Variants in NME7 observed in about 807,000 individuals in gnomAD.
The protein encoded by NME7 is NME/NM23 family member 7.
NME7 carries 41 observed loss-of-function variants against 49.1 expected under a neutral mutation model. The ratio of observed to expected loss-of-function variants is 0.83; its 90% CI spans 0.65 to 1.08. NME7 has a LOEUF of 1.08. Ranked by LOEUF, NME7 falls within the 50% of genes least tolerant of loss-of-function variation. The pLI, the probability that NME7 is intolerant of heterozygous loss-of-function variation, is 0.00. For synonymous variants in NME7, 139 were observed against 150.6 expected (o/e 0.92, Z 0.56); for missense variants, 423 against 463.4 (o/e 0.91, Z 0.80).
In NME7 at chr1:169,265,441, A is replaced by C. The variant is rs1649289583; in HGVS notation, c.754+21862T>G. On this transcript the variant is annotated intron_variant, in intron 7 of 11. Coordinates refer to ENST00000367811, the MANE Select transcript of NME7 (RefSeq NM_013330.5). ...GAAGTTCTTTGAAATGAATGAGAAC[A>C]AAGACACAACAAATCAGTATTTCTG... Among the ~76,000 whole-genome samples, 3 of 134,020 alleles carry C rather than the reference A, an allele frequency of 2.2e-5. 1 individual carries two copies. Among genetic ancestry groups the C allele is most frequent in the Non-Finnish European group, 5.2e-5 (3 of 57,156 alleles). 87.9% of individuals were successfully genotyped at this position (134,020 alleles called of 152,430 possible). A position where few individuals can be genotyped will look rare whatever the true frequency, so the allele number is the denominator to read the frequency against.
chr1:169,180,615 T>C (rs1260948603), intron 10 of NME7, among the ~76,000 whole-genome samples: 1 of 152,178 alleles, frequency 6.6e-6, no homozygotes, highest in Admixed American at 6.5e-5. Context: ...TCTAATCTTC[T>C]CCTATAATTA....
At chr1:169,179,854 A>C (rs757648981) in intron 10 of NME7, among the ~76,000 whole-genome samples, 1 of 152,182 alleles carries the variant, frequency 6.6e-6, no homozygotes, top group African/African-American at 2.4e-5. Context: ...CAGGAAGAAT[A>C]GCTAGTGGAT....
At chr1:169,233,326 C>T (rs754659212) in intron 9 of NME7, among the ~76,000 whole-genome samples, 2 of 151,904 alleles carry the variant, frequency 1.3e-5, no homozygotes, top group Non-Finnish European at 2.9e-5. Flanking sequence ...ATTTTTTTCA[C>T]CCTCTTGAAT....
At chr1:169,300,758 T>C (rs997700224) in intron 5 of NME7, among the ~76,000 whole-genome samples, 5 of 151,964 alleles carry the variant, frequency 3.3e-5, no homozygotes, top group African/African-American at 1.2e-4. Context: ...TGGAACATAA[T>C]AGAGAACCCA....
chr1:169,204,806 T>A (rs563296850), intron 10 of NME7, among the ~76,000 whole-genome samples: 3 of 152,260 alleles, frequency 2.0e-5, no homozygotes, highest in Admixed American at 2.0e-4. Context: ...CAATAAATAA[T>A]TATTGACTCA....
chr1:169,198,805 T>C (rs558068125), intron 10 of NME7, among the ~76,000 whole-genome samples: 86 of 152,216 alleles, frequency 5.6e-4, no homozygotes, highest in Non-Finnish European at 9.3e-4. Flanking sequence ...ACCACTGAGC[T>C]ATATGTTTTT....
At chr1:169,231,945 T>C (rs530947843) in intron 9 of NME7, among the ~76,000 whole-genome samples, 1 of 151,274 alleles carries the variant, frequency 6.6e-6, no homozygotes, top group South Asian at 2.1e-4. Context: ...CAGTATCCAG[T>C]AAAAAAATTA....
chr1:169,156,811 C>T (rs899770298), intron 11 of NME7, among the ~76,000 whole-genome samples: 10 of 152,136 alleles, frequency 6.6e-5, no homozygotes, highest in African/African-American at 1.9e-4. Context: ...ATTCTTTTAT[C>T]TGAGAAAACA....
chr1:169,241,929 T>C (rs891593151), intron 7 of NME7, among the ~76,000 whole-genome samples: 1 of 151,610 alleles, frequency 6.6e-6, no homozygotes, highest in Non-Finnish European at 1.5e-5. Context: ...AATATAAAAA[T>C]ACTTTTTAAA....
At chr1:169,326,725 T>C (rs895264248) in intron 1 of NME7, among the ~76,000 whole-genome samples, 1 of 152,208 alleles carries the variant, frequency 6.6e-6, no homozygotes. Flanking sequence ...CAGTAAAAAC[T>C]GTGTTTACTT....
At chr1:169,315,853 G>A (rs1361390666) in intron 3 of NME7, among the ~76,000 whole-genome samples, 6 of 151,982 alleles carry the variant, frequency 3.9e-5, no homozygotes, top group Non-Finnish European at 8.8e-5. Context: ...GTTATAAGCA[G>A]TTAGAAGGAA....
chr1:169,336,208 A>G (rs1652465134), intron 1 of NME7, among the ~76,000 whole-genome samples: 1 of 152,136 alleles, frequency 6.6e-6, no homozygotes, highest in African/African-American at 2.4e-5. Flanking sequence ...CGCTGGGCTC[A>G]GGAGTGAAGC....
intron 7 of NME7, among the ~76,000 whole-genome samples, chr1:169,279,384 G>A (rs926228657): frequency 2.6e-5 from 4 of 152,200 alleles, no homozygotes; most frequent in Admixed American, 2.6e-4. Context: ...AAGCAAGCCT[G>A]GGCAATGGCA....
chr1:169,304,368 A>T (rs531647889), intron 4 of NME7, among the ~76,000 whole-genome samples: 1 of 152,356 alleles, frequency 6.6e-6, no homozygotes, highest in Non-Finnish European at 1.5e-5. Flanking sequence ...GCAAAGAATC[A>T]ACCTTTCAGG....
intron 6 of NME7, among the ~76,000 whole-genome samples, chr1:169,297,704 T>G (rs1571366487): frequency 1.3e-5 from 2 of 152,186 alleles, no homozygotes; most frequent in African/African-American, 4.8e-5. Flanking sequence ...CTGAAGGGTT[T>G]TCAGCAGGTG....
chr1:169,241,142 C>T (rs924026356), intron 7 of NME7, among the ~76,000 whole-genome samples: 5 of 152,064 alleles, frequency 3.3e-5, no homozygotes, highest in African/African-American at 1.2e-4. Flanking sequence ...GTGTACTTCA[C>T]ATTACTTCAC....
chr1:169,334,806 C>A (rs1318318637), intron 1 of NME7, among the ~76,000 whole-genome samples: 5 of 151,892 alleles, frequency 3.3e-5, no homozygotes, highest in African/African-American at 1.2e-4. Flanking sequence ...AAAATTTTTG[C>A]AATCTACCCA....
chr1:169,350,289 A>AAG (rs1343344770), intron 1 of NME7, among the ~76,000 whole-genome samples: 1 of 20,634 alleles, frequency 4.8e-5, no homozygotes, highest in African/African-American at 1.7e-4. Context: ...AAGGAAGGAA[A>AAG]GAGCCCTGCT....
At chr1:169,326,829 C>T (rs1386495542) in intron 1 of NME7, among the ~76,000 whole-genome samples, 1 of 152,142 alleles carries the variant, frequency 6.6e-6, no homozygotes, top group Non-Finnish European at 1.5e-5. Context: ...AACTACCTGC[C>T]TGACACACAT....
Sources: gnomAD v4.1 joint callset for allele counts (sites outside exome capture counted in the v4.1 genomes callset) on GRCh38, gnomAD v4.1.1 for gene constraint, MANE v1.5 for transcripts, NCBI Gene and HGNC (gene_info 2026-07-23, HGNC 2026-07-21) for gene names.